Variants in ARHGEF4 observed in about 807,000 individuals in gnomAD.
The protein encoded by ARHGEF4 is APC-stimulated guanine nucleotide exchange factor 1.
A neutral mutation model predicts 162.0 loss-of-function variants in ARHGEF4; 119 were observed. That is an observed-to-expected ratio of 0.73 (90% CI 0.63 to 0.86). The LOEUF is 0.86. ARHGEF4 is among the 40% of genes least tolerant of loss of function. The pLI is 0.00. For synonymous variants in ARHGEF4, 1,014 were observed against 979.9 expected, an observed-to-expected ratio of 1.03 and a Z score of -0.65; for missense variants, 2,488 against 2,456.0, an observed-to-expected ratio of 1.01 and a Z score of -0.28.
intron 4 of ARHGEF4, among the ~76,000 whole-genome samples, chr2:130,986,305 A>G (rs1295578065): frequency 6.6e-6 from 1 of 152,138 alleles, no homozygotes; most frequent in Non-Finnish European, 1.5e-5. Flanking sequence ...CCCAGGTTGC[A>G]TGTGGCAGTG....
chr2:130,974,616 A>ATTT (rs70994726), intron 4 of ARHGEF4, among the ~76,000 whole-genome samples: 3 of 134,246 alleles, frequency 2.2e-5, no homozygotes, highest in African/African-American at 8.4e-5. Context: ...ACACCCAGCT[A>ATTT]TTTTTTTTTT....
intron 1 of ARHGEF4, among the ~76,000 whole-genome samples, chr2:130,864,038 T>C (rs1336952287): frequency 6.8e-6 from 1 of 147,744 alleles, no homozygotes; most frequent in Non-Finnish European, 1.5e-5. Context: ...CAAAAAAAAT[T>C]AGCTGGGCAT....
At chr2:131,026,544 G>A (rs1689486010) in intron 4 of ARHGEF4, among the ~76,000 whole-genome samples, 2 of 152,178 alleles carry the variant, frequency 1.3e-5, no homozygotes, top group South Asian at 2.1e-4. Context: ...ATATTTTTAT[G>A]TCAATGATAT....
At chr2:130,913,124 T>C (rs1382877483) in intron 1 of ARHGEF4, among the ~76,000 whole-genome samples, 1 of 151,946 alleles carries the variant, frequency 6.6e-6, no homozygotes, top group African/African-American at 2.4e-5. Flanking sequence ...TGGATAAGGG[T>C]GGCTACTGTA....
In ARHGEF4 at chr2:130,917,403, A is replaced by C; in HGVS notation, c.3457A>C (p.Asn1153His). ...TSFLLSLQTL[N>H]QDEQKEESRE... Reference sequence around the variant, plus strand: ...TTTCCTGCTTTCTCTGCAGACGCTAAACCAAGATGAGCAGAAGGAAGAGAG... The same window carrying C: ...TTTCCTGCTTTCTCTGCAGACGCTACACCAAGATGAGCAGAAGGAAGAGAG... The change falls in exon 2 of 14, where the codon AAC becomes CAC. Residue 1153 changes from asparagine (N) to histidine (H), a missense_variant. Coordinates refer to ENST00000409359, the MANE Select transcript of ARHGEF4 (RefSeq NM_001367493.1). 1 of 1,550,636 alleles carries C rather than the reference A, an allele frequency of 6.4e-7. No homozygotes were observed. Among genetic ancestry groups the C allele is most frequent in the Non-Finnish European group, 8.7e-7 (1 of 1,147,006 alleles).
rs535850229 is a variant in ARHGEF4, at chr2:131,031,020, C to A, written c.4125+2936C>A. On this transcript the variant is annotated intron_variant, in intron 5 of 13. Coordinates refer to ENST00000409359, the MANE Select transcript of ARHGEF4 (RefSeq NM_001367493.1). ...TAGAGATGAGCAAAGCAACAGGTGT[C>A]AGAAAAAAGTCCTTACTAAATAATA... 7.9e-5 allele frequency among the ~76,000 whole-genome samples: 12 copies of A among 152,268 alleles called. No homozygotes were observed. In the South Asian group the frequency reaches 2.5e-3, roughly 32 times the overall value.
At chr2:131,012,392 A>G (rs764726484) in intron 4 of ARHGEF4, among the ~76,000 whole-genome samples, 7 of 152,212 alleles carry the variant, frequency 4.6e-5, no homozygotes, top group Non-Finnish European at 7.3e-5. Flanking sequence ...AGAAGCCTTT[A>G]CAATGACTAC....
intron 12 of ARHGEF4, among the ~76,000 whole-genome samples, chr2:131,045,121 G>A (rs1691132780): frequency 6.6e-6 from 1 of 152,186 alleles, no homozygotes; most frequent in African/African-American, 2.4e-5. Flanking sequence ...GAGATGGGTG[G>A]GCAGAGGAAG....
intron 4 of ARHGEF4, among the ~76,000 whole-genome samples, chr2:130,979,137 C>A (rs376744100): frequency 6.6e-6 from 1 of 152,140 alleles, no homozygotes; most frequent in African/African-American, 2.4e-5. Context: ...TTAATGACAC[C>A]GTTGACAGGA....
chr2:130,911,661 C>A (rs1050681107), intron 1 of ARHGEF4, among the ~76,000 whole-genome samples: 1 of 152,188 alleles, frequency 6.6e-6, no homozygotes, highest in Non-Finnish European at 1.5e-5. Context: ...AGCTTTGTTA[C>A]CTGGAAGAGT....
intron 2 of ARHGEF4, among the ~76,000 whole-genome samples, chr2:130,926,048 CTCTTTCTT>C (rs370694048): frequency 9.4e-5 from 5 of 53,408 alleles, no homozygotes; most frequent in Admixed American, 4.5e-4. Flanking sequence ...TTCTTTCTTT[CTCTTTCTT>C]TCTTTCTTTC....
chr2:130,991,549 G>T (rs1686973493), intron 4 of ARHGEF4, among the ~76,000 whole-genome samples: 1 of 152,224 alleles, frequency 6.6e-6, no homozygotes, highest in South Asian at 2.1e-4. Context: ...GCAGCCGGCC[G>T]GCCCTGCCGG....
At chr2:131,022,608 C>T (rs1273059789) in intron 4 of ARHGEF4, among the ~76,000 whole-genome samples, 1 of 150,264 alleles carries the variant, frequency 6.7e-6, no homozygotes, top group East Asian at 1.9e-4. Flanking sequence ...ACCATTAGAC[C>T]ATCCATAGGT....
At chr2:130,927,600 A>G (rs1475260140) in intron 2 of ARHGEF4, among the ~76,000 whole-genome samples, 2 of 152,224 alleles carry the variant, frequency 1.3e-5, no homozygotes, top group African/African-American at 4.8e-5. Context: ...TCCTTTAGCT[A>G]GAGAATGCAG....
intron 1 of ARHGEF4, among the ~76,000 whole-genome samples, chr2:130,868,876 G>A (rs1682483723): frequency 1.3e-5 from 2 of 152,230 alleles, no homozygotes; most frequent in Non-Finnish European, 2.9e-5. Flanking sequence ...CCAGCTTCCA[G>A]TGGCCGCCTA....
chr2:131,035,313 C>G, intron 5 of ARHGEF4: 2 of 1,178,928 alleles, frequency 1.7e-6, no homozygotes, highest in Non-Finnish European at 2.1e-6. Flanking sequence ...CGACGGCACT[C>G]CAGCCGTTGC....
intron 1 of ARHGEF4, among the ~76,000 whole-genome samples, chr2:130,888,332 A>G (rs1379873662): frequency 6.6e-6 from 1 of 151,932 alleles, no homozygotes; most frequent in Non-Finnish European, 1.5e-5. Flanking sequence ...TTAGCCGGGC[A>G]TGATGGCAGG....
chr2:131,039,962 C>T, intron 6 of ARHGEF4, 54 bp from the exon 7 acceptor site: 1 of 1,536,228 alleles, frequency 6.5e-7, no homozygotes, highest in Admixed American at 2.0e-5. Flanking sequence ...GCGCAGGGCG[C>T]GGGGCGTTGC....
chr2:130,888,985 A>T (rs1206422354), intron 1 of ARHGEF4, among the ~76,000 whole-genome samples: 1 of 151,756 alleles, frequency 6.6e-6, no homozygotes, highest in Non-Finnish European at 1.5e-5. Flanking sequence ...GGCATCTGTA[A>T]TCCCAGCTAC....
Sources: gnomAD v4.1 joint callset for allele counts (sites outside exome capture counted in the v4.1 genomes callset) on GRCh38, gnomAD v4.1.1 for gene constraint, MANE v1.5 for transcripts, NCBI Gene and HGNC (gene_info 2026-07-23, HGNC 2026-07-21) for gene names.